Variants in ANKRD29 observed in about 807,000 individuals in gnomAD.
The protein encoded by ANKRD29 is ankyrin repeat domain-containing protein 29.
ANKRD29 carries 32 observed loss-of-function variants against 38.0 expected under a neutral mutation model. The ratio of observed to expected loss-of-function variants is 0.84; its 90% CI spans 0.64 to 1.13. The LOEUF (loss-of-function observed/expected upper bound fraction) is 1.13. Among genes scored for constraint, ANKRD29 ranks in the 50% most tolerant of loss-of-function variants. The pLI is 0.00. For synonymous variants in ANKRD29, 135 were observed against 152.4 expected (o/e 0.89, Z 0.84); for missense variants, 357 against 377.9 (o/e 0.94, Z 0.46).
chr18:23,624,500 A>AAAAAAAAAAAAAAT (rs2059837685), intron 6 of ANKRD29, among the ~76,000 whole-genome samples: 1 of 135,646 alleles, frequency 7.4e-6, no homozygotes, highest in African/African-American at 2.7e-5. Flanking sequence ...AAAAAAAAAA[A>AAAAAAAAAAAAAAT]GGTAATAGAA....
chr18:23,653,904 C>T (rs923785421), intron 1 of ANKRD29, among the ~76,000 whole-genome samples: 41 of 151,912 alleles, frequency 2.7e-4, no homozygotes, highest in African/African-American at 8.9e-4. Context: ...GGAAATTGAG[C>T]ATAGGAATGA....
intron 8 of ANKRD29, among the ~76,000 whole-genome samples, chr18:23,613,460 C>T (rs1396498693): frequency 2.0e-5 from 3 of 151,830 alleles, no homozygotes; most frequent in African/African-American, 7.2e-5. Flanking sequence ...GTGTGAGCCA[C>T]CATGCCTGAC....
intron 4 of ANKRD29, among the ~76,000 whole-genome samples, chr18:23,638,577 T>C (rs1394088573): frequency 2.6e-5 from 4 of 152,236 alleles, no homozygotes; most frequent in Non-Finnish European, 1.5e-5. Context: ...TTTAGTGTTC[T>C]ACAGTAGAAA....
At chr18:23,646,127 A>G in intron 3 of ANKRD29, 62 bp downstream of exon 3, 1 of 1,481,516 alleles carries the variant, frequency 6.7e-7, no homozygotes, top group Non-Finnish European at 9.4e-7. Context: ...CCAGTTCACT[A>G]TCATGAAAAC....
chr18:23,612,946 C>G (rs1160072828), intron 8 of ANKRD29, among the ~76,000 whole-genome samples: 1 of 151,840 alleles, frequency 6.6e-6, no homozygotes, highest in African/African-American at 2.4e-5. Flanking sequence ...ATAAATAGTA[C>G]CTAATGCAAA....
intron 7 of ANKRD29, among the ~76,000 whole-genome samples, chr18:23,618,962 G>A (rs2059758021): frequency 6.6e-6 from 1 of 152,152 alleles, no homozygotes; most frequent in Non-Finnish European, 1.5e-5. Flanking sequence ...GGTGGGTTAC[G>A]TAAGCAAGGG....
intron 3 of ANKRD29, among the ~76,000 whole-genome samples, chr18:23,640,901 A>G (rs145104118): frequency 4.2e-4 from 64 of 152,324 alleles, no homozygotes; most frequent in Non-Finnish European, 8.1e-4. Context: ...AGCTGAGGAC[A>G]GCCTGGCCTA....
At position 23,619,521 on chromosome 18, in the gene ANKRD29, G is replaced by A. The variant is rs1417213194; in HGVS notation, c.627+10C>T. On this transcript the variant is annotated intron_variant, in intron 7 of 9. Coordinates refer to ENST00000592179, the MANE Select transcript of ANKRD29 (RefSeq NM_173505.4). ...GCTTCGCTCTTTGGCCGCGCGACTCGGGCACTCACGTTCCGCGCAGCGTCG... is the reference window on the plus strand; with the variant it reads ...GCTTCGCTCTTTGGCCGCGCGACTCAGGCACTCACGTTCCGCGCAGCGTCG... 1.9e-6 allele frequency: 3 copies of A among 1,580,270 alleles called. No homozygotes were observed. The highest frequency in any genetic ancestry group is 2.3e-5 in the South Asian group (2 of 88,100).
chr18:23,635,521 G>A (rs552259001), intron 4 of ANKRD29, among the ~76,000 whole-genome samples: 7 of 152,108 alleles, frequency 4.6e-5, no homozygotes, highest in Non-Finnish European at 8.8e-5. Context: ...CCCATCTAGC[G>A]TTGTTGAGTT....
At chr18:23,638,476 T>C (rs1296499276) in intron 4 of ANKRD29, among the ~76,000 whole-genome samples, 2 of 152,094 alleles carry the variant, frequency 1.3e-5, no homozygotes, top group Non-Finnish European at 2.9e-5. Context: ...ATTCCTATCA[T>C]AGTATCAGAA....
intron 6 of ANKRD29, among the ~76,000 whole-genome samples, chr18:23,625,405 G>T (rs186337871): frequency 1.3e-5 from 2 of 152,060 alleles, no homozygotes; most frequent in Non-Finnish European, 2.9e-5. Flanking sequence ...ATTCCCAGAG[G>T]TTGGCAGTCT....
intron 5 of ANKRD29, among the ~76,000 whole-genome samples, chr18:23,632,758 A>G (rs2059950298): frequency 6.6e-6 from 1 of 152,044 alleles, no homozygotes; most frequent in African/African-American, 2.4e-5. Flanking sequence ...AGAGTTGAGA[A>G]TCGCCTCTTT....
chr18:23,661,919 G>A (rs1684588170), intron 1 of ANKRD29, among the ~76,000 whole-genome samples: 1 of 151,878 alleles, frequency 6.6e-6, no homozygotes, highest in African/African-American at 2.4e-5. Context: ...CGGGATTACA[G>A]TGGCTTAGGA....
intron 1 of ANKRD29, among the ~76,000 whole-genome samples, chr18:23,661,710 A>G (rs2060364477): frequency 6.6e-6 from 1 of 152,232 alleles, no homozygotes; most frequent in African/African-American, 2.4e-5. Context: ...ACTCCGTCTC[A>G]GGAAAAAAAA....
intron 9 of ANKRD29, among the ~76,000 whole-genome samples, chr18:23,611,541 C>T (rs559521542): frequency 2.0e-5 from 3 of 152,154 alleles, no homozygotes; most frequent in Admixed American, 2.0e-4. Flanking sequence ...AAAAATTAGC[C>T]GGGCATGGTG....
At chr18:23,645,667 A>T (rs543736547) in intron 3 of ANKRD29, among the ~76,000 whole-genome samples, 2 of 152,348 alleles carry the variant, frequency 1.3e-5, no homozygotes, top group East Asian at 3.9e-4. Context: ...CCTTGAATGA[A>T]GTGTGGGAAC....
chr18:23,642,676 G>A (rs546802019), intron 3 of ANKRD29, among the ~76,000 whole-genome samples: 47 of 152,308 alleles, frequency 3.1e-4, no homozygotes, highest in African/African-American at 1.1e-3. Flanking sequence ...CTGGCAAAGT[G>A]ACACCCTAAG....
chr18:23,636,210 C>A (rs1310723845), intron 4 of ANKRD29, among the ~76,000 whole-genome samples: 1 of 151,990 alleles, frequency 6.6e-6, no homozygotes, highest in African/African-American at 2.4e-5. Flanking sequence ...AATCATGGCT[C>A]ACTGCAGCCT....
intron 6 of ANKRD29, among the ~76,000 whole-genome samples, chr18:23,623,591 C>T (rs1270055353): frequency 6.6e-6 from 1 of 151,718 alleles, no homozygotes; most frequent in East Asian, 1.9e-4. Flanking sequence ...TCAAGATCAG[C>T]CTCAGCAACA....
Sources: gnomAD v4.1 joint callset for allele counts (sites outside exome capture counted in the v4.1 genomes callset) on GRCh38, gnomAD v4.1.1 for gene constraint, MANE v1.5 for transcripts, NCBI Gene and HGNC (gene_info 2026-07-23, HGNC 2026-07-21) for gene names.